Variants in PDGFRL observed in about 807,000 individuals in gnomAD.
The protein encoded by PDGFRL is platelet derived growth factor receptor like.
Under a neutral mutation model 37.2 loss-of-function variants are expected in PDGFRL, and 46 were observed. The observed-to-expected ratio is 1.24, with a 90% CI of 0.98 to 1.58. The LOEUF is 1.58. Among genes scored for constraint, PDGFRL ranks in the 40% most tolerant of loss-of-function variants. The pLI, the probability that PDGFRL is intolerant of heterozygous loss-of-function variation, is 0.00. For missense variants in PDGFRL, 692 were observed against 467.6 expected (o/e 1.48, Z -4.43); for synonymous variants, 251 against 184.3 (o/e 1.36, Z -2.93).
At chr8:17,614,787 A>G (rs540359443) in intron 2 of PDGFRL, among the ~76,000 whole-genome samples, 128 of 152,130 alleles carry the variant, frequency 8.4e-4, no homozygotes, top group African/African-American at 2.9e-3. Flanking sequence ...TCTTTTTCCA[A>G]CAGAGGCAGC....
chr8:17,612,299 C>T (rs775763564), intron 2 of PDGFRL, among the ~76,000 whole-genome samples: 2 of 152,148 alleles, frequency 1.3e-5, no homozygotes, highest in Non-Finnish European at 2.9e-5. Context: ...AGCAGTTTTA[C>T]TTGTTTTGCT....
chr8:17,590,887 A>T (rs1395668844), intron 2 of PDGFRL, among the ~76,000 whole-genome samples: 3 of 39,666 alleles, frequency 7.6e-5, no homozygotes, highest in African/African-American at 1.5e-4. Flanking sequence ...TATTATTATT[A>T]ATTTTTTTTT....
chr8:17,595,408 C>T (rs1408768145), intron 2 of PDGFRL, among the ~76,000 whole-genome samples: 8 of 152,156 alleles, frequency 5.3e-5, no homozygotes, highest in Admixed American at 3.9e-4. Context: ...CTCCTGTTCT[C>T]GGGTAGGGGC....
chr8:17,596,987 G>C (rs544416025), intron 2 of PDGFRL, among the ~76,000 whole-genome samples: 1 of 152,134 alleles, frequency 6.6e-6, no homozygotes, highest in Admixed American at 6.5e-5. Context: ...AAGCTCCCCA[G>C]GTGTTCATCC....
rs768105001 is a variant in PDGFRL, at chr8:17,628,767, G to A, written c.786G>A (p.Leu262=). 1.9e-6 allele frequency: 3 copies of A among 1,612,866 alleles called. No homozygotes were observed. In the East Asian group the frequency reaches 6.7e-5, roughly 36 times the overall value. Residue 262 remains leucine, a synonymous_variant, in exon 4 of 6, where the codon CTG becomes CTA. Coordinates refer to ENST00000251630, the MANE Select transcript of PDGFRL (RefSeq NM_001372073.1). ...GRSQISVKYQ[L]LYVAVPSGPP... is the part of the protein sequence containing the mutation. ...CTCAGATCTCCGTCAAGTACCAGCTGCTCTATGTGGCGGGTAAGCCTGGCC... is the reference window on the plus strand; with the variant it reads ...CTCAGATCTCCGTCAAGTACCAGCTACTCTATGTGGCGGGTAAGCCTGGCC...
intron 3 of PDGFRL, among the ~76,000 whole-genome samples, chr8:17,623,082 T>C (rs1804664545): frequency 6.6e-6 from 1 of 152,168 alleles, no homozygotes; most frequent in South Asian, 2.1e-4. Flanking sequence ...CCCTGGGAAA[T>C]AAGCAAAAGC....
chr8:17,594,766 C>T (rs1202667649), intron 2 of PDGFRL, among the ~76,000 whole-genome samples: 3 of 152,056 alleles, frequency 2.0e-5, no homozygotes, highest in East Asian at 1.9e-4. Context: ...TGGTCTCGAT[C>T]TCCTGACCTC....
At chr8:17,593,626 G>A (rs1190204044) in intron 2 of PDGFRL, among the ~76,000 whole-genome samples, 7 of 151,570 alleles carry the variant, frequency 4.6e-5, no homozygotes, top group Admixed American at 2.0e-4. Context: ...TTGGCATAGT[G>A]ACTCATGCCT....
chr8:17,587,982 G>A (rs950901964), intron 1 of PDGFRL, among the ~76,000 whole-genome samples: 3 of 151,940 alleles, frequency 2.0e-5, no homozygotes, highest in Admixed American at 6.6e-5. Flanking sequence ...GGCTGCAAGG[G>A]GCTTAGCTGA....
At chr8:17,633,370 G>A (rs374600731) in intron 4 of PDGFRL, among the ~76,000 whole-genome samples, 5 of 152,200 alleles carry the variant, frequency 3.3e-5, no homozygotes, top group Admixed American at 2.6e-4. Flanking sequence ...TGAGGCTGCA[G>A]AGAGTTAAGA....
At chr8:17,611,596 G>T (rs1348035827) in intron 2 of PDGFRL, among the ~76,000 whole-genome samples, 1 of 152,164 alleles carries the variant, frequency 6.6e-6, no homozygotes, top group East Asian at 1.9e-4. Flanking sequence ...AAAATGAGCC[G>T]ATGTGTCTGG....
chr8:17,633,635 T>C (rs2237846), intron 4 of PDGFRL, among the ~76,000 whole-genome samples: 94,329 of 151,758 alleles, frequency 0.62, 33,153 homozygotes, highest in Non-Finnish European at 0.8. Context: ...CCCAAACATC[T>C]TTCACATCTG....
chr8:17,636,448 T>C (rs1019405705), intron 5 of PDGFRL, among the ~76,000 whole-genome samples: 2 of 152,338 alleles, frequency 1.3e-5, no homozygotes, highest in South Asian at 2.1e-4. Flanking sequence ...TTCTGGGTTC[T>C]CTATTCTGTT....
chr8:17,610,052 C>A (rs1413484435), intron 2 of PDGFRL, among the ~76,000 whole-genome samples: 1 of 152,154 alleles, frequency 6.6e-6, no homozygotes, highest in Admixed American at 6.5e-5. Context: ...CTGTTGCATT[C>A]ACTATTCTGA....
At chr8:17,625,256 A>G (rs563726255) in intron 3 of PDGFRL, among the ~76,000 whole-genome samples, 5 of 151,594 alleles carry the variant, frequency 3.3e-5, no homozygotes, top group Admixed American at 1.3e-4. Flanking sequence ...GGTTCGAGCG[A>G]TTCTCCTGCC....
At chr8:17,637,041 A>G (rs1804985201) in intron 5 of PDGFRL, among the ~76,000 whole-genome samples, 1 of 152,136 alleles carries the variant, frequency 6.6e-6, no homozygotes, top group Admixed American at 6.5e-5. Flanking sequence ...TTCTAGGTAT[A>G]TGATTACATC....
chr8:17,620,344 A>G (rs1804605771), intron 2 of PDGFRL, among the ~76,000 whole-genome samples: 1 of 152,078 alleles, frequency 6.6e-6, no homozygotes, highest in East Asian at 1.9e-4. Flanking sequence ...TAATATTCAT[A>G]TTTTCTTAAA....
intron 3 of PDGFRL, among the ~76,000 whole-genome samples, chr8:17,624,154 C>G (rs1008572232): frequency 2.0e-5 from 3 of 152,084 alleles, no homozygotes; most frequent in Admixed American, 6.6e-5. Context: ...CTTTGAGAAA[C>G]CAAGATGGGC....
chr8:17,628,355 A>C (rs1804779679), intron 3 of PDGFRL, 132 bp from the exon 4 acceptor site: 4 of 672,464 alleles, frequency 5.9e-6, no homozygotes, highest in African/African-American at 1.8e-5. Context: ...AAAGCATTAA[A>C]GTAAAAAAAG....
Sources: allele counts gnomAD v4.1 joint callset (sites outside exome capture counted in the v4.1 genomes callset), GRCh38; gene constraint gnomAD v4.1.1; transcripts MANE v1.5; gene names NCBI Gene and HGNC (gene_info 2026-07-23, HGNC 2026-07-21).